UQCC1: variants seen among roughly 807,000 people sequenced by gnomAD.
UQCC1 encodes the protein bFGF-repressed Zic-binding protein.
A neutral mutation model predicts 48.0 loss-of-function variants in UQCC1; 38 were observed. The ratio of observed to expected loss-of-function variants is 0.79; its 90% confidence interval spans 0.61 to 1.04. The LOEUF (loss-of-function observed/expected upper bound fraction) is 1.04, where lower values mean the gene tolerates loss of function less well. Among genes scored for constraint, UQCC1 ranks in the 50% least tolerant of loss-of-function variants. The probability of loss-of-function intolerance (pLI) is 0.00; values close to 1 mark genes in which losing one functional copy is unlikely to be tolerated. For synonymous variants in UQCC1, 111 were observed against 129.2 expected, an observed-to-expected ratio of 0.86 and a Z score of 0.95; for missense variants, 368 against 381.8, an observed-to-expected ratio of 0.96 and a Z score of 0.30.
intron 7 of UQCC1, among the ~76,000 whole-genome samples, chr20:35,340,645 C>T (rs530616936): frequency 6.6e-6 from 1 of 152,148 alleles, no homozygotes; most frequent in Non-Finnish European, 1.5e-5. Context: ...CCACCATAAC[C>T]GGCTAATTTT....
intron 9 of UQCC1, 74 bp from the exon 10 acceptor site, chr20:35,304,143 C>A: frequency 1.3e-6 from 2 of 1,597,942 alleles, no homozygotes; most frequent in Non-Finnish European, 8.6e-7. Flanking sequence ...CAGGAACCAG[C>A]CTCCCAGAGG....
At chr20:35,411,377 A>T (rs1400439558) in intron 1 of UQCC1, among the ~76,000 whole-genome samples, 212 of 152,332 alleles carry the variant, frequency 1.4e-3, no homozygotes, top group Non-Finnish European at 2.7e-3. Flanking sequence ...GGCAAAGTGA[A>T]AACGACGGAG....
intron 7 of UQCC1, among the ~76,000 whole-genome samples, chr20:35,321,306 A>C (rs2061126432): frequency 6.6e-6 from 1 of 150,832 alleles, no homozygotes; most frequent in African/African-American, 2.5e-5. Context: ...GCGCACGCTC[A>C]GGCACGCATG....
intron 1 of UQCC1, among the ~76,000 whole-genome samples, chr20:35,402,800 A>T (rs2062187160): frequency 6.6e-6 from 1 of 150,646 alleles, no homozygotes; most frequent in African/African-American, 2.4e-5. Flanking sequence ...CTCAAACAAT[A>T]ACAAAAAATT....
chr20:35,332,736 G>A (rs928097257), intron 7 of UQCC1, among the ~76,000 whole-genome samples: 2 of 152,188 alleles, frequency 1.3e-5, no homozygotes, highest in African/African-American at 2.4e-5. Flanking sequence ...CTAATAAATC[G>A]CTCTATTTTA....
chr20:35,352,000 A>C (rs760046634), intron 6 of UQCC1, among the ~76,000 whole-genome samples: 6 of 152,220 alleles, frequency 3.9e-5, no homozygotes, highest in South Asian at 4.1e-4. Context: ...CCTCTAGGGG[A>C]GATAAGGTAC....
intron 4 of UQCC1, among the ~76,000 whole-genome samples, chr20:35,377,259 A>C (rs1395392641): frequency 6.6e-6 from 1 of 152,264 alleles, no homozygotes; most frequent in Non-Finnish European, 1.5e-5. Context: ...GAATGCAAAG[A>C]TAATTCAACA....
intron 8 of UQCC1, chr20:35,307,186 T>C (rs989658039): frequency 7.2e-5 from 21 of 292,388 alleles, no homozygotes; most frequent in South Asian, 4.1e-4. Flanking sequence ...GGGAATATTG[T>C]GAATGTATGT....
chr20:35,337,434 G>A (rs149795225), intron 7 of UQCC1, among the ~76,000 whole-genome samples: 3 of 152,076 alleles, frequency 2.0e-5, no homozygotes, highest in Non-Finnish European at 2.9e-5. Flanking sequence ...TGATCCACTC[G>A]CCTCGGCCTC....
At chr20:35,395,414 G>T (rs1241906096) in intron 1 of UQCC1, among the ~76,000 whole-genome samples, 1 of 151,666 alleles carries the variant, frequency 6.6e-6, no homozygotes, top group African/African-American at 2.4e-5. Context: ...GAAGCCAGGA[G>T]GTCGAAACCA....
At chr20:35,318,902 T>A (rs1032487648) in intron 7 of UQCC1, among the ~76,000 whole-genome samples, 18 of 152,184 alleles carry the variant, frequency 1.2e-4, no homozygotes, top group Non-Finnish European at 4.4e-5. Flanking sequence ...GGTGTGCAGG[T>A]TCCCCACCTC....
chr20:35,385,844 CT>C (rs111277050), intron 2 of UQCC1, among the ~76,000 whole-genome samples: 3,331 of 137,394 alleles, frequency 0.024, 46 homozygotes, highest in South Asian at 0.084. Context: ...TTTAAATAGA[CT>C]TTTTTTTTTT....
intron 5 of UQCC1, among the ~76,000 whole-genome samples, chr20:35,368,904 C>G (rs757149575): frequency 3.9e-5 from 6 of 152,184 alleles, no homozygotes; most frequent in African/African-American, 1.4e-4. Context: ...GGCCAACCAC[C>G]CTCCACCTAG....
chr20:35,312,947 TTG>T (rs1432021601), intron 8 of UQCC1, among the ~76,000 whole-genome samples: 1 of 152,126 alleles, frequency 6.6e-6, no homozygotes, highest in Non-Finnish European at 1.5e-5. Context: ...GAGTTTCAGT[TTG>T]GAAGATGGAA....
intron 6 of UQCC1, among the ~76,000 whole-genome samples, chr20:35,358,851 C>T (rs368937731): frequency 2.0e-5 from 3 of 152,168 alleles, no homozygotes; most frequent in African/African-American, 4.8e-5. Context: ...TGAGCCACCG[C>T]GCCTGGCCTG....
intron 3 of UQCC1, among the ~76,000 whole-genome samples, chr20:35,382,743 C>T (rs367955040): frequency 5.3e-5 from 8 of 151,898 alleles, no homozygotes; most frequent in Middle Eastern, 3.4e-3. Flanking sequence ...ATCTCCTGAC[C>T]GCATGATCTG....
At chr20:35,330,477 C>T (rs1463385756) in intron 7 of UQCC1, among the ~76,000 whole-genome samples, 3 of 152,176 alleles carry the variant, frequency 2.0e-5, no homozygotes, top group Non-Finnish European at 4.4e-5. Context: ...TAGGGCTAGC[C>T]CTGGGTGGGG....
At chr20:35,310,666 A>AAAAAT (rs1200004845) in intron 8 of UQCC1, among the ~76,000 whole-genome samples, 8 of 148,342 alleles carry the variant, frequency 5.4e-5, no homozygotes, top group Non-Finnish European at 1.0e-4. Context: ...AAAAAAAAAA[A>AAAAAT]AATTGGGAAG....
chr20:35,303,691 T>C lies in UQCC1; in HGVS notation c.*244A>G. The C allele has an allele frequency of 3.7e-6, 2 of 538,004 alleles. No homozygotes were observed. The highest frequency in any genetic ancestry group is 6.7e-6 in the Non-Finnish European group (2 of 300,318). The allele number at this position is 538,004 out of a possible 1,614,324, so 33.3% of individuals were successfully genotyped here. A position where few individuals can be genotyped will look rare whatever the true frequency, so the allele number is the denominator to read the frequency against. ...GGAGTGTGTGCTGGGGGACTCTCAC[T>C]CGGGGCTTCCCCTAAGGGAGAGGAC... On this transcript the variant is annotated 3_prime_UTR_variant, in exon 10 of 10. Coordinates refer to ENST00000374385, the MANE Select transcript of UQCC1 (RefSeq NM_018244.5).
Sources: allele counts gnomAD v4.1 joint callset (sites outside exome capture counted in the v4.1 genomes callset), GRCh38; gene constraint gnomAD v4.1.1; transcripts MANE v1.5; gene names NCBI Gene and HGNC (gene_info 2026-07-23, HGNC 2026-07-21).